The following SASS6 variants were observed in gnomAD, a reference collection of about 807,000 sequenced individuals.
SASS6 encodes the protein SAS-6 centriolar assembly protein.
A neutral mutation model predicts 94.9 loss-of-function variants in SASS6; 59 were observed. That is an observed-to-expected ratio of 0.62 (90% CI 0.50 to 0.77). The LOEUF (loss-of-function observed/expected upper bound fraction) is 0.77, where lower values mean the gene tolerates loss of function less well. SASS6 is among the 30% of genes least tolerant of loss of function. SASS6 has a pLI of 0.00. For missense variants in SASS6, 698 were observed against 734.1 expected, an observed-to-expected ratio of 0.95 and a Z score of 0.57; for synonymous variants, 264 against 270.0, an observed-to-expected ratio of 0.98 and a Z score of 0.22.
At chr1:100,121,319 T>C in intron 5 of SASS6, 59 bp downstream of exon 5, 1 of 1,004,124 alleles carries the variant, frequency 1.0e-6, no homozygotes. Flanking sequence ...TCTTCAATAA[T>C]TTATCAAAGA....
chr1:100,132,340 C>A (rs913423042), intron 1 of SASS6, among the ~76,000 whole-genome samples: 11 of 152,018 alleles, frequency 7.2e-5, no homozygotes, highest in African/African-American at 2.7e-4. Flanking sequence ...CAAAAGAGAA[C>A]GAGGGGGAAA....
intron 12 of SASS6, among the ~76,000 whole-genome samples, 191 bp downstream of exon 12, chr1:100,106,721 G>T (rs981935850): frequency 6.6e-6 from 1 of 152,224 alleles, no homozygotes; most frequent in Non-Finnish European, 1.5e-5. Flanking sequence ...TGAGTGTGGT[G>T]GTGCACACCT....
At chr1:100,112,472 AT>A (rs1015979925) in intron 7 of SASS6, among the ~76,000 whole-genome samples, 1 of 152,132 alleles carries the variant, frequency 6.6e-6, no homozygotes, top group African/African-American at 2.4e-5. Context: ...TACTCAGTAT[AT>A]TTTTTTAAAT....
At chr1:100,117,083 C>T (rs1275216188) in intron 7 of SASS6, among the ~76,000 whole-genome samples, 1 of 151,312 alleles carries the variant, frequency 6.6e-6, no homozygotes, top group Non-Finnish European at 1.5e-5. Flanking sequence ...CACCTAAGGT[C>T]AGGAGTTCGA....
At chr1:100,130,989 G>A (rs948435235) in intron 1 of SASS6, among the ~76,000 whole-genome samples, 3 of 152,172 alleles carry the variant, frequency 2.0e-5, no homozygotes, top group African/African-American at 4.8e-5. Context: ...ATATATTAAA[G>A]GTTTCTAAGC....
At chr1:100,123,796 G>C (rs368165030) in intron 2 of SASS6, among the ~76,000 whole-genome samples, 1 of 152,210 alleles carries the variant, frequency 6.6e-6, no homozygotes, top group East Asian at 1.9e-4. Context: ...TTCTTCCAAA[G>C]AGCCTATTCT....
At position 100,088,182 on chromosome 1, in the gene SASS6, A is replaced by C. The variant is rs373791132; in HGVS notation, c.1729T>G (p.Ser577Ala). The C allele has an allele frequency of 4.4e-6, 7 of 1,607,732 alleles. No homozygotes were observed. In the African/African-American group the frequency reaches 5.4e-5, roughly 12 times the overall value. Reference protein sequence around the residue: ...KPNASLGDVQSGATISMPCST... With the variant: ...KPNASLGDVQAGATISMPCST... Reference sequence around the variant, plus strand: ...CAAGGCATACTAATAGTTGCTCCTGACTGAACATCTCCTAGTGATGCATTT... The same window carrying C: ...CAAGGCATACTAATAGTTGCTCCTGCCTGAACATCTCCTAGTGATGCATTT... The change falls in exon 15 of 17, where the codon TCA (serine) becomes GCA (alanine). Residue 577 changes from serine to alanine, a missense_variant. Physicochemically the swap from Ser to Ala is moderately conservative, Grantham distance 99 (BLOSUM62 1). Coordinates refer to ENST00000287482, the MANE Select transcript of SASS6 (RefSeq NM_194292.3).
At position 100,096,584 on chromosome 1, in the gene SASS6, T is replaced by C. The variant is rs370731391; in HGVS notation, c.1674+6371A>G. Among the ~76,000 whole-genome samples the C allele has an allele frequency of 4.6e-5, 7 of 152,184 alleles. No homozygotes were observed. In the East Asian group the frequency reaches 1.2e-3, roughly 25 times the overall value. ...AACTTTTGTATTTCAAAAGACACAT[T>C]GAGAAAATGAAAAGGGAAGCCACTG... On this transcript the variant is annotated intron_variant, in intron 14 of 16. Transcript: ENST00000287482.
intron 7 of SASS6, among the ~76,000 whole-genome samples, chr1:100,117,109 C>T (rs899844705): frequency 5.3e-5 from 8 of 151,592 alleles, no homozygotes; most frequent in Admixed American, 1.3e-4. Context: ...TCCTGGCCAA[C>T]ATGGTGAAAC....
chr1:100,099,046 A>G (rs1361218151), intron 14 of SASS6, among the ~76,000 whole-genome samples: 1 of 152,216 alleles, frequency 6.6e-6, no homozygotes, highest in Non-Finnish European at 1.5e-5. Context: ...AAAGCTTCCC[A>G]TACTTACACA....
At chr1:100,092,185 A>T (rs1235322551) in intron 14 of SASS6, among the ~76,000 whole-genome samples, 1 of 149,620 alleles carries the variant, frequency 6.7e-6, no homozygotes, top group Non-Finnish European at 1.5e-5. Flanking sequence ...ATATATATAT[A>T]TTAAAAGCAG....
rs1028145055 is a variant in SASS6 at position 100,107,973 on chromosome 1, G to A, written c.893C>T (p.Ser298Phe). 1.2e-6 allele frequency: 2 copies of A among 1,611,442 alleles called. No homozygotes were observed. Among genetic ancestry groups the A allele is most frequent in the African/African-American group, 2.7e-5 (2 of 74,808 alleles). ...TAGTGTAGAATTCTCTCTTCGCAAA[G>A]AGAGGACTTCTTGCTTAGTCCGCTG... ...ELQRTKQEVLSLRRENSTLDV... is the reference protein window; with the variant it reads ...ELQRTKQEVLFLRRENSTLDV... Residue 298 changes from serine to phenylalanine, a missense_variant, in exon 9 of 17, where the codon TCT becomes TTT. Coordinates refer to ENST00000287482, the MANE Select transcript of SASS6 (RefSeq NM_194292.3).
Position 100,106,951 on chromosome 1 carries a change from GT to G in SASS6, c.1368del (p.Lys456AsnfsTer9). 3.5e-6 allele frequency: 5 copies of G among 1,429,972 alleles called. No homozygotes were observed. The highest frequency in any genetic ancestry group is 3.9e-6 in the Non-Finnish European group (4 of 1,016,524). The allele number at this position is 1,429,972 out of a possible 1,614,324, so 88.6% of individuals were successfully genotyped here. ...LQEQLEATVK[K>X]LEESKQLLKN... is the part of the protein sequence containing the mutation. Reference sequence around the variant, plus strand: ...TTTAGAAGTTGTTTGCTTTCTTCAAGTTTTTTAACTGTAGCTTCTAATTGTT... The same window carrying G: ...TTTAGAAGTTGTTTGCTTTCTTCAAGTTTTTAACTGTAGCTTCTAATTGTT... On this transcript the variant is annotated frameshift_variant, in exon 12 of 17. Transcript: ENST00000287482. LOFTEE classifies it high-confidence loss of function.
chr1:100,129,354 C>T (rs903941893), intron 1 of SASS6, among the ~76,000 whole-genome samples: 3 of 152,088 alleles, frequency 2.0e-5, no homozygotes, highest in Admixed American at 6.6e-5. Flanking sequence ...GCTAGATTTG[C>T]TTCTGATTGC....
chr1:100,116,428 G>A (rs1292145771), intron 7 of SASS6, among the ~76,000 whole-genome samples: 1 of 152,040 alleles, frequency 6.6e-6, no homozygotes, highest in Non-Finnish European at 1.5e-5. Flanking sequence ...CCCATAGAAT[G>A]GCAATGTAAA....
chr1:100,125,072 A>G (rs1165836673), intron 2 of SASS6, among the ~76,000 whole-genome samples: 1 of 152,086 alleles, frequency 6.6e-6, no homozygotes, highest in Non-Finnish European at 1.5e-5. Flanking sequence ...AGTTCTGTTA[A>G]TGACTCACAC....
chr1:100,090,022 T>A (rs565995991), intron 14 of SASS6, among the ~76,000 whole-genome samples: 1 of 152,092 alleles, frequency 6.6e-6, no homozygotes, highest in African/African-American at 2.4e-5. Context: ...GGAAGTAGTA[T>A]AATAATATTT....
intron 5 of SASS6, among the ~76,000 whole-genome samples, chr1:100,120,867 G>A (rs920471369): frequency 1.2e-4 from 18 of 151,718 alleles, no homozygotes; most frequent in African/African-American, 4.1e-4. Context: ...TGGCTAAAAC[G>A]GTGAAACCCC....
chr1:100,109,644 A>C (rs1653158389), intron 8 of SASS6, among the ~76,000 whole-genome samples: 1 of 152,044 alleles, frequency 6.6e-6, no homozygotes, highest in South Asian at 2.1e-4. Flanking sequence ...TGAAAGAACA[A>C]GGTAGTATTA....
Sources: gnomAD v4.1 joint callset for allele counts (sites outside exome capture counted in the v4.1 genomes callset) on GRCh38, gnomAD v4.1.1 for gene constraint, MANE v1.5 for transcripts, NCBI Gene and HGNC (gene_info 2026-07-23, HGNC 2026-07-21) for gene names.